CCDC171: variants seen among roughly 807,000 people sequenced by gnomAD.
CCDC171 encodes the protein coiled-coil domain containing 171, also known as coiled-coil domain-containing protein 171.
CCDC171 carries 177 observed loss-of-function variants against 168.2 expected under a neutral mutation model. That is an observed-to-expected ratio of 1.05 (90% confidence interval 0.93 to 1.19). The LOEUF is 1.19. Among genes scored for constraint, CCDC171 ranks in the 50% most tolerant of loss-of-function variants. CCDC171 has a pLI of 0.00. For missense variants in CCDC171, 1,991 were observed against 1,539.0 expected (o/e 1.29, Z -4.91); for synonymous variants, 687 against 540.8 (o/e 1.27, Z -3.75).
intron 25 of CCDC171, among the ~76,000 whole-genome samples, chr9:15,968,346 C>G (rs1831005080): frequency 6.6e-6 from 1 of 152,092 alleles, no homozygotes; most frequent in Non-Finnish European, 1.5e-5. Context: ...GTGGTGAACA[C>G]TAACTTTTAA....
At chr9:16,052,883 G>A (rs914226583) in intron 1 of CCDC171, among the ~76,000 whole-genome samples, 1 of 150,866 alleles carries the variant, frequency 6.6e-6, no homozygotes, top group Non-Finnish European at 1.5e-5. Context: ...CAAACGGAAT[G>A]TGAGTCTTTC....
chr9:15,701,479 T>C (rs758018497), intron 11 of CCDC171, among the ~76,000 whole-genome samples: 3 of 152,138 alleles, frequency 2.0e-5, no homozygotes, highest in Admixed American at 6.5e-5. Context: ...AAGATGACAG[T>C]GATGAAGTTT....
intron 24 of CCDC171, among the ~76,000 whole-genome samples, chr9:15,903,853 C>T (rs1328652492): frequency 6.6e-6 from 1 of 152,176 alleles, no homozygotes; most frequent in Non-Finnish European, 1.5e-5. Flanking sequence ...AGCTGAAAAC[C>T]ATGGCACGAG....
At chr9:15,660,095 A>G (rs1466245465) in intron 8 of CCDC171, among the ~76,000 whole-genome samples, 2 of 152,182 alleles carry the variant, frequency 1.3e-5, no homozygotes, top group Non-Finnish European at 2.9e-5. Flanking sequence ...CCAATGTAAG[A>G]TACAACTGTA....
intron 25 of CCDC171, among the ~76,000 whole-genome samples, chr9:15,944,314 G>C (rs1267199107): frequency 1.3e-5 from 2 of 151,924 alleles, no homozygotes; most frequent in African/African-American, 2.4e-5. Flanking sequence ...CCACTGGAAA[G>C]TATCTTTCAG....
chr9:15,566,686 A>G (rs929444061), intron 2 of CCDC171, among the ~76,000 whole-genome samples: 1 of 152,216 alleles, frequency 6.6e-6, no homozygotes, highest in East Asian at 1.9e-4. Context: ...GATGAAGTCC[A>G]GTTTATCAGT....
intron 18 of CCDC171, among the ~76,000 whole-genome samples, chr9:15,752,160 T>A (rs2055792031): frequency 6.6e-6 from 1 of 152,140 alleles, no homozygotes; most frequent in African/African-American, 2.4e-5. Flanking sequence ...AAAATGCTCA[T>A]CATCACTGGT....
the CCDC171 span, among the ~76,000 whole-genome samples, chr9:16,097,714 A>C: frequency 1.5e-4 from 23 of 152,344 alleles, no homozygotes; most frequent in African/African-American, 5.3e-4. Flanking sequence ...AGCCTTGCTA[A>C]GACTGCCCTG....
Position 15,629,545 on chromosome 9 carries a change from G to A in CCDC171, c.822+6132G>A, listed in dbSNP as rs567430354. ...GACTATGTGAAAAGACCAAATCTAC[G>A]TCTGATGGGTGTACCTGAAAATGAC... On this transcript the variant is annotated intron_variant, in intron 7 of 25. Coordinates refer to ENST00000380701, the MANE Select transcript of CCDC171 (RefSeq NM_173550.4). 2.0e-3 allele frequency among the ~76,000 whole-genome samples: 310 copies of A among 152,266 alleles called. 3 individuals carry two copies. Among genetic ancestry groups the A allele is most frequent in the Middle Eastern group, 6.8e-3 (2 of 294 alleles).
the CCDC171 span, among the ~76,000 whole-genome samples, chr9:16,072,063 G>T: frequency 6.6e-6 from 1 of 152,220 alleles, no homozygotes; most frequent in Admixed American, 6.5e-5. Context: ...AGTGTGGGAA[G>T]TGTTTTTACT....
At chr9:15,924,135 C>G (rs759530377) in intron 25 of CCDC171, among the ~76,000 whole-genome samples, 7 of 151,372 alleles carry the variant, frequency 4.6e-5, no homozygotes, top group African/African-American at 1.5e-4. Flanking sequence ...TAAAGAAGCT[C>G]CAAACAGATT....
At chr9:15,729,943 AG>A in intron 16 of CCDC171, 145 bp downstream of exon 16, 1 of 576,182 alleles carries the variant, frequency 1.7e-6, no homozygotes, top group Non-Finnish European at 3.1e-6. Context: ...ATATTTGTTT[AG>A]ATACACACAC....
intron 10 of CCDC171, among the ~76,000 whole-genome samples, chr9:15,681,075 G>A (rs935376682): frequency 1.3e-5 from 2 of 151,970 alleles, no homozygotes; most frequent in Admixed American, 6.6e-5. Context: ...AACATTTACA[G>A]AGTGATATAT....
At chr9:15,778,763 A>G (rs750458199) in intron 19 of CCDC171, among the ~76,000 whole-genome samples, 2 of 151,970 alleles carry the variant, frequency 1.3e-5, no homozygotes, top group Admixed American at 1.3e-4. Context: ...TTAGCTATCT[A>G]GATTATTTCT....
At chr9:15,988,664 A>T (rs898731426) in intron 3 of CCDC171, among the ~76,000 whole-genome samples, 2 of 152,202 alleles carry the variant, frequency 1.3e-5, no homozygotes, top group Non-Finnish European at 2.9e-5. Flanking sequence ...GGGCTCAGGG[A>T]ATTCCCTTTC....
At chr9:15,799,117 A>G (rs1267497607) in intron 21 of CCDC171, among the ~76,000 whole-genome samples, 2 of 120,430 alleles carry the variant, frequency 1.7e-5, no homozygotes, top group African/African-American at 3.1e-5. Flanking sequence ...TAAGAAAACA[A>G]TTGTCTTTCA....
intron 6 of CCDC171, among the ~76,000 whole-genome samples, chr9:15,617,250 C>T (rs555077052): frequency 9.9e-5 from 15 of 152,198 alleles, no homozygotes; most frequent in South Asian, 4.2e-4. Context: ...TGCGATCATT[C>T]GGAGGAGAAA....
At chr9:15,609,662 G>C (rs1190146915) in intron 6 of CCDC171, among the ~76,000 whole-genome samples, 2 of 151,960 alleles carry the variant, frequency 1.3e-5, no homozygotes, top group Admixed American at 6.6e-5. Context: ...TTTGTTCTTG[G>C]GTACTCTGTT....
chr9:15,714,610 C>T (rs1393592526), intron 11 of CCDC171, among the ~76,000 whole-genome samples: 1 of 152,072 alleles, frequency 6.6e-6, no homozygotes, highest in East Asian at 1.9e-4. Context: ...GTACAGTTAC[C>T]CTGTTAGATG....
Sources: allele counts gnomAD v4.1 joint callset (sites outside exome capture counted in the v4.1 genomes callset), GRCh38; gene constraint gnomAD v4.1.1; transcripts MANE v1.5; gene names NCBI Gene and HGNC (gene_info 2026-07-23, HGNC 2026-07-21).